Variants in SLC25A13 observed in about 807,000 individuals in gnomAD.
SLC25A13 encodes solute carrier family 25 member 13, also known as electrogenic aspartate/glutamate antiporter SLC25A13, mitochondrial.
SLC25A13 carries 70 observed loss-of-function variants against 85.5 expected under a neutral mutation model. The observed-to-expected ratio is 0.82, with a 90% CI of 0.68 to 1.00. SLC25A13 has a LOEUF of 1.00. Among genes scored for constraint, SLC25A13 ranks in the 50% least tolerant of loss-of-function variants. The probability of loss-of-function intolerance (pLI) is 0.00; values close to 1 mark genes in which losing one functional copy is unlikely to be tolerated. For synonymous variants in SLC25A13, 259 were observed against 288.7 expected, an observed-to-expected ratio of 0.90 and a Z score of 1.04; for missense variants, 765 against 819.8, an observed-to-expected ratio of 0.93 and a Z score of 0.82.
intron 1 of SLC25A13, among the ~76,000 whole-genome samples, chr7:96,308,493 G>A (rs1584604687): frequency 6.6e-6 from 1 of 152,120 alleles, no homozygotes; most frequent in Admixed American, 6.5e-5. Flanking sequence ...CGAACTCCTG[G>A]GGTTGAGCAA....
chr7:96,132,160 C>T (rs1276577941), intron 14 of SLC25A13, among the ~76,000 whole-genome samples: 1 of 152,196 alleles, frequency 6.6e-6, no homozygotes, highest in African/African-American at 2.4e-5. Flanking sequence ...CTTTTTGGAA[C>T]TCTGCCTGTG....
At chr7:96,188,149 CA>C (rs1253735006) in intron 9 of SLC25A13, among the ~76,000 whole-genome samples, 3 of 152,326 alleles carry the variant, frequency 2.0e-5, no homozygotes, top group African/African-American at 7.2e-5. Context: ...AAGAGATAAT[CA>C]TCTCCTAAGC....
At chr7:96,166,676 T>A (rs1016968) in intron 13 of SLC25A13, among the ~76,000 whole-genome samples, 50,462 of 151,992 alleles carry the variant, frequency 0.33, 8,875 homozygotes, top group East Asian at 0.59. Context: ...ACATACATTA[T>A]TTTTTATTTT....
intron 3 of SLC25A13, among the ~76,000 whole-genome samples, chr7:96,253,100 G>C (rs1270092560): frequency 1.3e-5 from 2 of 152,088 alleles, no homozygotes; most frequent in African/African-American, 4.8e-5. Flanking sequence ...TCTCAAAAAA[G>C]AATCAATGGG....
intron 3 of SLC25A13, among the ~76,000 whole-genome samples, chr7:96,267,692 T>C (rs1244708862): frequency 6.6e-6 from 1 of 150,852 alleles, no homozygotes; most frequent in Non-Finnish European, 1.5e-5. Flanking sequence ...TGCATGCCTA[T>C]AATCGCAGCT....
chr7:96,308,289 G>T (rs186610196), intron 1 of SLC25A13, among the ~76,000 whole-genome samples: 3 of 152,120 alleles, frequency 2.0e-5, no homozygotes, highest in Non-Finnish European at 4.4e-5. Flanking sequence ...ATCTAGCAGC[G>T]CCTTGCTTCC....
chr7:96,121,684 C>A lies in SLC25A13; in HGVS notation c.1812G>T (p.Gln604His), dbSNP rs1791513099. The change falls in exon 17 of 18, where the codon CAG (glutamine) becomes CAT (histidine). Residue 604 changes from glutamine (Q) to histidine (H), a missense_variant. Coordinates refer to ENST00000265631, the MANE Select transcript of SLC25A13 (RefSeq NM_014251.3). ...CTCCAAAATCAATGTAGAACCATCG[C>A]TGTAGCAATTCGTAAGTCAGCAAAG... ...GVTLLTYELL[Q>H]RWFYIDFGGV... 1 of 1,614,022 alleles carries A rather than the reference C, an allele frequency of 6.2e-7. No individual in the cohort carries two copies. Among genetic ancestry groups the A allele is most frequent in the African/African-American group, 1.3e-5 (1 of 74,908 alleles).
chr7:96,134,810 T>TATATATATATATATATATATATATATAA (rs1345941396), intron 14 of SLC25A13, among the ~76,000 whole-genome samples: 2 of 146,302 alleles, frequency 1.4e-5, no homozygotes, highest in Admixed American at 1.4e-4. Context: ...TATATATATA[T>TATATATATATATATATATATATATATAA]ATAACCCTGA....
chr7:96,256,723 T>C lies in SLC25A13; in HGVS notation c.212+20473A>G, dbSNP rs1336254948. Among the ~76,000 whole-genome samples the C allele has an allele frequency of 3.3e-5, 5 of 152,268 alleles. No homozygotes were observed. The East Asian group carries it at 7.7e-4, about 24-fold the overall frequency. ...TCAGCTCTGTACCAAGCAGAACTAATAGACAGCTATAGAACTCTCCACCCC... is the reference window on the plus strand; with the variant it reads ...TCAGCTCTGTACCAAGCAGAACTAACAGACAGCTATAGAACTCTCCACCCC... On this transcript the variant is annotated intron_variant, in intron 3 of 17. Coordinates refer to ENST00000265631, the MANE Select transcript of SLC25A13 (RefSeq NM_014251.3).
chr7:96,287,496 T>G (rs1295340850), intron 2 of SLC25A13, among the ~76,000 whole-genome samples: 1 of 152,144 alleles, frequency 6.6e-6, no homozygotes, highest in Admixed American at 6.5e-5. Flanking sequence ...TCTCCAGAAC[T>G]CTGCATGAAT....
rs764417564 is a variant in SLC25A13, at chr7:96,184,892, C to G, written c.1018+35G>C. 16 of 1,537,916 alleles carry G rather than the reference C, an allele frequency of 1.0e-5. No individual in the cohort carries two copies. The South Asian group carries it at 1.8e-4, about 17-fold the overall frequency. ...ATCAGAGAAAAGAGAATAGGAATAACAAAAGTGAAAATTTTTCTCTCATCC... is the reference window on the plus strand; with the variant it reads ...ATCAGAGAAAAGAGAATAGGAATAAGAAAAGTGAAAATTTTTCTCTCATCC... On this transcript the variant is annotated intron_variant, in intron 10 of 17. Coordinates refer to ENST00000265631, the MANE Select transcript of SLC25A13 (RefSeq NM_014251.3).
chr7:96,288,888 T>A (rs1799000041), intron 2 of SLC25A13, among the ~76,000 whole-genome samples: 1 of 152,186 alleles, frequency 6.6e-6, no homozygotes, highest in Non-Finnish European at 1.5e-5. Context: ...TAAATGTCCC[T>A]GTCTGACAGC....
intron 2 of SLC25A13, 123 bp downstream of exon 2, chr7:96,296,775 C>T (rs1799367191): frequency 6.0e-6 from 6 of 992,656 alleles, no homozygotes; most frequent in Middle Eastern, 3.2e-4. Context: ...GCCACCGTGC[C>T]GGGCTGACAC....
chr7:96,294,405 T>C (rs574614379), intron 2 of SLC25A13, among the ~76,000 whole-genome samples: 3 of 152,114 alleles, frequency 2.0e-5, no homozygotes, highest in South Asian at 2.1e-4. Context: ...GTTGTGCCCA[T>C]GTACCCTAGA....
intron 13 of SLC25A13, among the ~76,000 whole-genome samples, chr7:96,169,436 G>A (rs548045871): frequency 1.4e-5 from 2 of 142,554 alleles, no homozygotes; most frequent in South Asian, 2.4e-4. Context: ...ATTTACATTC[G>A]CATGAACAAA....
intron 2 of SLC25A13, among the ~76,000 whole-genome samples, chr7:96,281,550 T>C (rs766002366): frequency 6.6e-6 from 1 of 152,120 alleles, no homozygotes; most frequent in Non-Finnish European, 1.5e-5. Flanking sequence ...AGTTTTAACA[T>C]ACAGTGACCA....
intron 4 of SLC25A13, among the ~76,000 whole-genome samples, chr7:96,234,100 G>A (rs1282552369): frequency 5.3e-5 from 8 of 152,216 alleles, no homozygotes; most frequent in Non-Finnish European, 8.8e-5. Context: ...GGTACTTTCC[G>A]TTAAATCTGT....
intron 4 of SLC25A13, among the ~76,000 whole-genome samples, chr7:96,212,829 G>T (rs536042204): frequency 2.6e-5 from 4 of 152,200 alleles, no homozygotes; most frequent in South Asian, 4.1e-4. Context: ...ATGGGACTCT[G>T]CAGGGAAAAA....
At chr7:96,170,212 AT>A (rs1002528003) in intron 12 of SLC25A13, 87 bp from the exon 13 acceptor site, 6 of 1,165,368 alleles carry the variant, frequency 5.1e-6, no homozygotes, top group East Asian at 2.4e-5. Flanking sequence ...AATATATGCT[AT>A]TTTTTTCTAT....
Sources: allele counts gnomAD v4.1 joint callset (sites outside exome capture counted in the v4.1 genomes callset), GRCh38; gene constraint gnomAD v4.1.1; transcripts MANE v1.5; gene names NCBI Gene and HGNC (gene_info 2026-07-23, HGNC 2026-07-21).